The following TENM3 variants were observed in gnomAD, a reference collection of about 807,000 sequenced individuals.
TENM3 encodes the protein teneurin-3.
TENM3 carries 63 observed loss-of-function variants against 255.1 expected under a neutral mutation model. The ratio of observed to expected loss-of-function variants is 0.25; its 90% confidence interval spans 0.20 to 0.30. TENM3 has a LOEUF of 0.30. Among genes scored for constraint, TENM3 ranks in the 10% least tolerant of loss-of-function variants. TENM3 has a pLI of 1.00. For synonymous variants in TENM3, 1,306 were observed against 1,322.3 expected, an observed-to-expected ratio of 0.99 and a Z score of 0.27; for missense variants, 2,929 against 3,461.1, an observed-to-expected ratio of 0.85 and a Z score of 3.86.
the TENM3 span, among the ~76,000 whole-genome samples, chr4:182,067,966 G>A: frequency 6.6e-6 from 1 of 152,096 alleles, no homozygotes; most frequent in Non-Finnish European, 1.5e-5. Context: ...TGGCTGCCAG[G>A]AAAGAGAACT....
At chr4:182,493,688 A>T (rs1167838723) in intron 3 of TENM3, among the ~76,000 whole-genome samples, 1 of 152,192 alleles carries the variant, frequency 6.6e-6, no homozygotes, top group Non-Finnish European at 1.5e-5. Context: ...GTCATTAAAT[A>T]CAGTTATTGA....
At chr4:181,914,777 G>A in the TENM3 span, among the ~76,000 whole-genome samples, 1 of 152,176 alleles carries the variant, frequency 6.6e-6, no homozygotes, top group East Asian at 1.9e-4. Context: ...AACAAAGATG[G>A]TGAAGTGAGA....
chr4:182,346,918 A>T lies in TENM3; in HGVS notation c.500A>T (p.Asp167Val). Residue 167 changes from aspartate (D) to valine (V), a missense_variant, in exon 3 of 28, where the codon GAC becomes GTC. This residue lies in a region of TENM3 where 283 missense variants were observed against 256.9 expected (regional missense o/e 1.10). Coordinates refer to ENST00000511685, the MANE Select transcript of TENM3 (RefSeq NM_001080477.4). ...LTDTEHENKS[D>V]SENEQPASNQ... ...GATACGGAGCACGAAAACAAGTCCGACAGTGAGAATGGTAAGTTTCCTTTT... is the reference window on the plus strand; with the variant it reads ...GATACGGAGCACGAAAACAAGTCCGTCAGTGAGAATGGTAAGTTTCCTTTT... 1 of 1,606,196 alleles carries T rather than the reference A, an allele frequency of 6.2e-7. No individual in the cohort carries two copies. The highest frequency in any genetic ancestry group is 8.5e-7 in the Non-Finnish European group (1 of 1,174,832).
chr4:182,571,739 A>AC (rs1744397264), intron 3 of TENM3, among the ~76,000 whole-genome samples: 1 of 152,232 alleles, frequency 6.6e-6, no homozygotes, highest in African/African-American at 2.4e-5. Flanking sequence ...TATATAAGAA[A>AC]CCATTGGTAT....
At chr4:181,953,875 C>A in the TENM3 span, among the ~76,000 whole-genome samples, 4 of 152,006 alleles carry the variant, frequency 2.6e-5, no homozygotes, top group Non-Finnish European at 5.9e-5. Flanking sequence ...GAATCCAGTA[C>A]CACAATCAAA....
chr4:181,952,403 G>A, the TENM3 span, among the ~76,000 whole-genome samples: 2 of 152,148 alleles, frequency 1.3e-5, no homozygotes, highest in East Asian at 1.9e-4. Flanking sequence ...CCTGTCTGCC[G>A]CTGGTAATTG....
the TENM3 span, among the ~76,000 whole-genome samples, chr4:181,467,242 T>C: frequency 0.67 from 98,278 of 147,158 alleles, 33,646 homozygotes; most frequent in Non-Finnish European, 0.74. Flanking sequence ...CAATTCTCCT[T>C]GTCTCAGCCT....
At chr4:182,654,353 A>C (rs1426707759) in intron 6 of TENM3, among the ~76,000 whole-genome samples, 1 of 152,206 alleles carries the variant, frequency 6.6e-6, no homozygotes, top group African/African-American at 2.4e-5. Flanking sequence ...CCTTTCTCTA[A>C]ACCTTTAAGA....
the TENM3 span, among the ~76,000 whole-genome samples, chr4:181,913,342 A>G: frequency 6.6e-6 from 1 of 152,216 alleles, no homozygotes; most frequent in African/African-American, 2.4e-5. Context: ...CAGTGCCGCC[A>G]AGTGAAAATA....
intron 3 of TENM3, among the ~76,000 whole-genome samples, chr4:182,598,176 G>C (rs1324194563): frequency 6.6e-6 from 1 of 152,174 alleles, no homozygotes; most frequent in African/African-American, 2.4e-5. Context: ...GCGAGACCCT[G>C]TCTCAAAAAA....
the TENM3 span, among the ~76,000 whole-genome samples, chr4:182,078,748 G>A: frequency 3.3e-5 from 5 of 152,120 alleles, no homozygotes; most frequent in Non-Finnish European, 7.3e-5. Context: ...GTGGGGAGCA[G>A]AGGAAATAGA....
At position 182,761,968 on chromosome 4, in the gene TENM3, A is replaced by G. The variant is rs909820968; in HGVS notation, c.4892+6709A>G. 1.9e-4 allele frequency among the ~76,000 whole-genome samples: 29 copies of G among 152,228 alleles called. 1 individual carries two copies. The highest frequency in any genetic ancestry group is 1.8e-3 in the Admixed American group (27 of 15,282). ...GTACATTTCAAGCATTAACCTGAACACTATGAAGGCAATACTTTTATTAAT... is the reference window on the plus strand; with the variant it reads ...GTACATTTCAAGCATTAACCTGAACGCTATGAAGGCAATACTTTTATTAAT... On this transcript the variant is annotated intron_variant, in intron 22 of 27. Coordinates refer to ENST00000511685, the MANE Select transcript of TENM3 (RefSeq NM_001080477.4).
Position 182,792,500 on chromosome 4 carries a change from G to T in TENM3, c.5828G>T (p.Ser1943Ile), listed in dbSNP as rs766032798. The T allele has an allele frequency of 6.2e-7, 1 of 1,614,042 alleles. No individual in the cohort carries two copies. Among genetic ancestry groups the T allele is most frequent in the Admixed American group, 1.7e-5 (1 of 60,030 alleles). Residue 1943 changes from serine (S) to isoleucine (I), a missense_variant, in exon 26 of 28, where the codon AGT becomes ATT. This residue lies in a region of TENM3 where 303 missense variants were observed against 425.2 expected (regional missense o/e 0.71). Coordinates refer to ENST00000511685, the MANE Select transcript of TENM3 (RefSeq NM_001080477.4). This position sits in a 1 kb window ranked among gnomAD's most constrained non-coding sequence, Gnocchi z 6.3. ...CTACAAACAGCTTTCTTGGGTACAAGTCGGAGGGTCTTATTCAAATACAGA... is the reference window on the plus strand; with the variant it reads ...CTACAAACAGCTTTCTTGGGTACAATTCGGAGGGTCTTATTCAAATACAGA... ...LLLQTAFLGT[S>I]RRVLFKYRRQ...
the TENM3 span, among the ~76,000 whole-genome samples, chr4:181,457,563 T>A: frequency 6.6e-6 from 1 of 151,796 alleles, no homozygotes; most frequent in African/African-American, 2.4e-5. Flanking sequence ...ACATACAGAG[T>A]ATATCTTTAA....
chr4:182,786,481 C>T (rs927129154), intron 24 of TENM3, among the ~76,000 whole-genome samples: 1 of 151,582 alleles, frequency 6.6e-6, no homozygotes, highest in African/African-American at 2.4e-5. Context: ...TTGCTTGAAC[C>T]TGGAGGAGGA....
chr4:181,522,799 CTTTAA>C, the TENM3 span: 2 of 849,554 alleles, frequency 2.4e-6, no homozygotes, highest in East Asian at 2.6e-5. Flanking sequence ...CCTGGTCAAA[CTTTAA>C]TTTATTATGT....
chr4:181,837,413 GC>G, the TENM3 span, among the ~76,000 whole-genome samples: 8 of 151,856 alleles, frequency 5.3e-5, no homozygotes, highest in Non-Finnish European at 1.2e-4. Context: ...TTTATCACAG[GC>G]TTTTTTCACA....
chr4:182,550,134 A>G (rs940105300), intron 3 of TENM3, among the ~76,000 whole-genome samples: 14 of 152,246 alleles, frequency 9.2e-5, no homozygotes, highest in African/African-American at 3.4e-4. Context: ...TTATGTGGAA[A>G]GTTTACGTTT....
chr4:182,207,048 A>G (rs1184235912), intron 1 of TENM3, among the ~76,000 whole-genome samples: 1 of 152,194 alleles, frequency 6.6e-6, no homozygotes, highest in Non-Finnish European at 1.5e-5. Flanking sequence ...CTCAGAGCCT[A>G]CAGTTGTTAA....
Sources: gnomAD v4.1 joint callset for allele counts (sites outside exome capture counted in the v4.1 genomes callset) on GRCh38, gnomAD v4.1.1 for gene constraint, gnomAD v4.1.1 regional missense constraint, Gnocchi (gnomAD v3.1) non-coding constraint, MANE v1.5 for transcripts, NCBI Gene and HGNC (gene_info 2026-07-23, HGNC 2026-07-21) for gene names.